ASIC2: variants seen among roughly 807,000 people sequenced by gnomAD.
ASIC2 encodes acid sensing ion channel subunit 2, also known as acid-sensing ion channel 2.
In ASIC2, 25 loss-of-function variants were observed where a neutral mutation model predicts 57.3. The ratio of observed to expected loss-of-function variants is 0.44; its 90% CI spans 0.32 to 0.61. The LOEUF (loss-of-function observed/expected upper bound fraction) is 0.61. Ranked by LOEUF, ASIC2 falls within the 20% of genes least tolerant of loss-of-function variation. ASIC2 has a pLI of 0.06. For synonymous variants in ASIC2, 319 were observed against 307.5 expected (o/e 1.04, Z -0.39); for missense variants, 641 against 738.1 (o/e 0.87, Z 1.52).
chr17:33,724,433 G>A (rs1325943478), intron 1 of ASIC2, among the ~76,000 whole-genome samples: 3 of 152,188 alleles, frequency 2.0e-5, no homozygotes, highest in Non-Finnish European at 2.9e-5. Flanking sequence ...TGTCTGCTGC[G>A]TGAAGAGTAG....
intron 1 of ASIC2, among the ~76,000 whole-genome samples, chr17:33,687,403 G>T (rs565610403): frequency 6.6e-6 from 1 of 152,290 alleles, no homozygotes; most frequent in South Asian, 2.1e-4. Context: ...ACCATGGGCT[G>T]CTACCCAGGG....
chr17:34,068,274 G>C (rs1909247122), intron 1 of ASIC2, among the ~76,000 whole-genome samples: 2 of 152,184 alleles, frequency 1.3e-5, no homozygotes, highest in South Asian at 4.1e-4. Context: ...GAGAGAAGGG[G>C]ACCAGGAATC....
chr17:33,812,133 G>A (rs1354031512), intron 1 of ASIC2, among the ~76,000 whole-genome samples: 3 of 151,980 alleles, frequency 2.0e-5, no homozygotes, highest in African/African-American at 7.3e-5. Flanking sequence ...TAACAGATGG[G>A]TTTTCTCCAA....
At chr17:33,893,472 A>C (rs1472353766) in intron 1 of ASIC2, among the ~76,000 whole-genome samples, 3 of 152,198 alleles carry the variant, frequency 2.0e-5, no homozygotes, top group Non-Finnish European at 2.9e-5. Flanking sequence ...AATAGATTTA[A>C]TATCTTATGC....
chr17:33,555,778 G>C (rs1915889802), intron 1 of ASIC2, among the ~76,000 whole-genome samples: 1 of 152,124 alleles, frequency 6.6e-6, no homozygotes, highest in South Asian at 2.1e-4. Flanking sequence ...ATCATGGAAA[G>C]AACTCTGGAC....
At chr17:33,175,031 C>G (rs1355852752) in intron 1 of ASIC2, among the ~76,000 whole-genome samples, 4 of 152,122 alleles carry the variant, frequency 2.6e-5, no homozygotes, top group Non-Finnish European at 5.9e-5. Context: ...AAACCCTGAG[C>G]AATTAAGATG....
At chr17:33,647,752 T>A (rs1198750124) in intron 1 of ASIC2, among the ~76,000 whole-genome samples, 4 of 152,202 alleles carry the variant, frequency 2.6e-5, no homozygotes, top group Non-Finnish European at 5.9e-5. Context: ...ATAATTGTCA[T>A]TGATCTATCT....
At chr17:33,185,220 G>GT (rs1906143561) in intron 1 of ASIC2, among the ~76,000 whole-genome samples, 3 of 152,126 alleles carry the variant, frequency 2.0e-5, no homozygotes, top group Admixed American at 2.0e-4. Flanking sequence ...TTGTTTTTCA[G>GT]TTTTTGATTG....
chr17:33,165,837 A>T (rs946866552), intron 1 of ASIC2, among the ~76,000 whole-genome samples: 2 of 152,190 alleles, frequency 1.3e-5, no homozygotes, highest in African/African-American at 4.8e-5. Flanking sequence ...TTCCCTGTAG[A>T]CTAATTTTAG....
chr17:33,405,166 G>A (rs980277913), intron 1 of ASIC2, among the ~76,000 whole-genome samples: 64 of 152,074 alleles, frequency 4.2e-4, no homozygotes, highest in African/African-American at 1.5e-3. Flanking sequence ...TTTCTCAAGG[G>A]CATCATATCT....
At chr17:33,612,369 T>C (rs1020547965) in intron 1 of ASIC2, among the ~76,000 whole-genome samples, 5 of 152,142 alleles carry the variant, frequency 3.3e-5, no homozygotes, top group African/African-American at 1.2e-4. Flanking sequence ...GAACTGATGC[T>C]CTGCAAGGGC....
chr17:33,060,136 C>T (rs1327361369), intron 3 of ASIC2, among the ~76,000 whole-genome samples: 1 of 152,134 alleles, frequency 6.6e-6, no homozygotes. Flanking sequence ...ATGGTAGTTT[C>T]TTTTGCTGTG....
At chr17:33,103,830 C>A (rs1402899543) in intron 2 of ASIC2, among the ~76,000 whole-genome samples, 1 of 152,188 alleles carries the variant, frequency 6.6e-6, no homozygotes, top group Non-Finnish European at 1.5e-5. Context: ...TGTGCCTGAT[C>A]TCTCCAAGTC....
intron 1 of ASIC2, among the ~76,000 whole-genome samples, chr17:33,234,020 C>A (rs1597643171): frequency 6.6e-6 from 1 of 152,146 alleles, no homozygotes; most frequent in African/African-American, 2.4e-5. Flanking sequence ...GGAGATAAAA[C>A]CTGTCACCCA....
intron 1 of ASIC2, among the ~76,000 whole-genome samples, chr17:33,574,773 A>T (rs561144699): frequency 6.6e-6 from 1 of 152,214 alleles, no homozygotes; most frequent in Non-Finnish European, 1.5e-5. Flanking sequence ...CTGTCTCAAA[A>T]ACTTTGCCAT....
intron 1 of ASIC2, among the ~76,000 whole-genome samples, chr17:33,203,151 G>A (rs1716424388): frequency 6.6e-6 from 1 of 152,160 alleles, no homozygotes; most frequent in African/African-American, 2.4e-5. Context: ...CTTACCCATA[G>A]CTCCACTAGT....
At chr17:33,102,993 C>T (rs904472128) in intron 2 of ASIC2, among the ~76,000 whole-genome samples, 1 of 152,130 alleles carries the variant, frequency 6.6e-6, no homozygotes. Flanking sequence ...CCATGTTCGC[C>T]AGGATGGTCT....
rs140810885 is a variant in ASIC2, at chr17:33,130,152, G to T, written c.709-18085C>A. ...TGAACCTGGTGCCTTCTCTACTGAG[G>T]TTAATAGGGGTTCAGCACAAAAATT... On this transcript the variant is annotated intron_variant, in intron 1 of 9. Coordinates refer to ENST00000225823, the MANE Select transcript of ASIC2 (RefSeq NM_183377.2). 1.3e-3 allele frequency among the ~76,000 whole-genome samples: 201 copies of T among 152,148 alleles called. 2 individuals are homozygous for T. The East Asian group carries it at 0.028, about 21-fold the overall frequency.
chr17:33,813,125 G>A (rs928472504), intron 1 of ASIC2, among the ~76,000 whole-genome samples: 1 of 152,120 alleles, frequency 6.6e-6, no homozygotes, highest in African/African-American at 2.4e-5. Context: ...GCCTTTATAG[G>A]ATAGTGACCG....
Sources: gnomAD v4.1 joint callset for allele counts (sites outside exome capture counted in the v4.1 genomes callset) on GRCh38, gnomAD v4.1.1 for gene constraint, MANE v1.5 for transcripts, NCBI Gene and HGNC (gene_info 2026-07-23, HGNC 2026-07-21) for gene names.